Variants in SMG7 observed in about 807,000 individuals in gnomAD.
The protein encoded by SMG7 is nonsense-mediated mRNA decay factor SMG7.
A neutral mutation model predicts 148.2 loss-of-function variants in SMG7; 34 were observed. The ratio of observed to expected loss-of-function variants is 0.23; its 90% CI spans 0.17 to 0.31. The LOEUF (loss-of-function observed/expected upper bound fraction) is 0.31, where lower values mean the gene tolerates loss of function less well. SMG7 is among the 10% of genes least tolerant of loss of function. The pLI is 1.00. For missense variants in SMG7, 1,114 were observed against 1,408.4 expected, an observed-to-expected ratio of 0.79 and a Z score of 3.35; for synonymous variants, 492 against 515.1, an observed-to-expected ratio of 0.96 and a Z score of 0.61.
At chr1:183,490,428 C>T (rs1231511457) in intron 1 of SMG7, among the ~76,000 whole-genome samples, 1 of 152,036 alleles carries the variant, frequency 6.6e-6, no homozygotes, top group East Asian at 1.9e-4. Context: ...TGGACATTTT[C>T]TATGCAGAAA....
At chr1:183,491,606 G>T (rs576402179) in intron 1 of SMG7, among the ~76,000 whole-genome samples, 60 of 152,134 alleles carry the variant, frequency 3.9e-4, no homozygotes, top group African/African-American at 1.2e-3. Context: ...GGTTTTTAAT[G>T]TATCTTTTGA....
In SMG7 at chr1:183,552,988, T is replaced by C. The variant is rs759706992; in HGVS notation, c.*1057T>C. On this transcript the variant is annotated 3_prime_UTR_variant, in exon 23 of 23. Coordinates refer to ENST00000688051, the MANE Select transcript of SMG7 (RefSeq NM_001375584.1). ...CACATCTCCCCAAGAAGCAACAGCA[T>C]GGGGTCCAGCAGTTGGGGCCCAAAA... 2.3e-5 allele frequency: 36 copies of C among 1,536,204 alleles called. No individual in the cohort carries two copies. Among genetic ancestry groups the C allele is most frequent in the Non-Finnish European group, 3.1e-5 (36 of 1,146,928 alleles).
chr1:183,537,077 C>A, intron 10 of SMG7, 68 bp from the exon 11 acceptor site: 1 of 1,100,396 alleles, frequency 9.1e-7, no homozygotes, highest in South Asian at 1.3e-5. Flanking sequence ...ATACCATTTT[C>A]ATGGCTTATT....
chr1:183,481,866 GC>G (rs1235662660), intron 1 of SMG7, among the ~76,000 whole-genome samples: 1 of 150,706 alleles, frequency 6.6e-6, no homozygotes, highest in East Asian at 1.9e-4. Context: ...TCGCTCTGTT[GC>G]CCAGGCTGGT....
rs115698375 is a variant in SMG7 at position 183,550,495 on chromosome 1, G to T, written c.3134-256G>T. ...ATCTGAAATAGCCGTGTGAGAATAG[G>T]GCATTCATTCAGTTGACAAAAATTG... On this transcript the variant is annotated intron_variant, in intron 20 of 22. Transcript: ENST00000688051. Among the ~76,000 whole-genome samples the T allele has an allele frequency of 7.0e-4, 106 of 152,210 alleles. 1 individual carries two copies. The highest frequency in any genetic ancestry group is 1.2e-3 in the Non-Finnish European group (83 of 68,000).
chr1:183,533,998 G>A (rs1012652503), intron 10 of SMG7, among the ~76,000 whole-genome samples, 166 bp downstream of exon 10: 1 of 152,102 alleles, frequency 6.6e-6, no homozygotes, highest in Non-Finnish European at 1.5e-5. Flanking sequence ...CTTTTCATTT[G>A]TTTATTTGAA....
chr1:183,550,723 T>G, intron 20 of SMG7, 28 bp from the exon 21 acceptor site: 1 of 1,608,968 alleles, frequency 6.2e-7, no homozygotes, highest in Non-Finnish European at 8.5e-7. Flanking sequence ...AATGATTTAC[T>G]ATATCCTGTG....
At chr1:183,519,667 C>G (rs1408487032) in intron 4 of SMG7, among the ~76,000 whole-genome samples, 1 of 151,968 alleles carries the variant, frequency 6.6e-6, no homozygotes, top group African/African-American at 2.4e-5. Flanking sequence ...ATTAATCCTC[C>G]CATTCTGGAT....
chr1:183,529,279 G>GA (rs1471501604), intron 7 of SMG7, 119 bp from the exon 8 acceptor site: 1 of 1,202,924 alleles, frequency 8.3e-7, no homozygotes, highest in Non-Finnish European at 1.2e-6. Context: ...TGTTGCAGTT[G>GA]AAAAATCAGT....
Position 183,553,127 on chromosome 1 carries a change from C to T in SMG7, c.*1196C>T, listed in dbSNP as rs765169448. ...TTTCAGAGTGAAATTCAAGGCAGCA[C>T]GGACATGTGCCCATCAGGCACAGAA... On this transcript the variant is annotated 3_prime_UTR_variant, in exon 23 of 23. Transcript: ENST00000688051. The T allele has an allele frequency of 7.2e-6, 11 of 1,536,204 alleles. No homozygotes were observed. Among genetic ancestry groups the T allele is most frequent in the Middle Eastern group, 1.7e-4 (1 of 6,012 alleles).
At chr1:183,492,501 T>C (rs1033772799) in intron 1 of SMG7, among the ~76,000 whole-genome samples, 1 of 152,202 alleles carries the variant, frequency 6.6e-6, no homozygotes, top group Non-Finnish European at 1.5e-5. Flanking sequence ...AAGTTCTCTA[T>C]TTTTTGGGAA....
rs896168824 is a variant in SMG7 at position 183,515,781 on chromosome 1, G to A, written c.62-93G>A. 4.6e-6 allele frequency: 3 copies of A among 656,220 alleles called. No individual in the cohort carries two copies. The African/African-American group carries it at 5.4e-5, about 12-fold the overall frequency. The allele number at this position is 656,220 out of a possible 1,614,324, so 40.6% of individuals were successfully genotyped here. ...ATATTTAGAGCAGGTTTTGCCTTGGGGATAGAGCAGGAAGGAGTCACTGGT... is the reference window on the plus strand; with the variant it reads ...ATATTTAGAGCAGGTTTTGCCTTGGAGATAGAGCAGGAAGGAGTCACTGGT... On this transcript the variant is annotated intron_variant, in intron 2 of 22. Coordinates refer to ENST00000688051, the MANE Select transcript of SMG7 (RefSeq NM_001375584.1).
intron 1 of SMG7, among the ~76,000 whole-genome samples, chr1:183,476,771 TATG>T (rs1652293555): frequency 1.3e-5 from 2 of 152,270 alleles, no homozygotes; most frequent in Admixed American, 6.5e-5. Context: ...AAAATAAAAA[TATG>T]ATCTTAAATA....
At chr1:183,514,018 A>G (rs1662858452) in intron 2 of SMG7, among the ~76,000 whole-genome samples, 1 of 148,518 alleles carries the variant, frequency 6.7e-6, no homozygotes. Flanking sequence ...CGACAGAAAA[A>G]GACTCCGTCT....
Position 183,527,235 on chromosome 1 carries a change from G to A in SMG7, c.484+468G>A, listed in dbSNP as rs552043379. ...TTTCTATTATTTGCATTTTATCTGG[G>A]AATATTATATAACTTATTTATTCTT... is the stretch of plus-strand genomic sequence containing the variant. On this transcript the variant is annotated intron_variant, in intron 5 of 22. Coordinates refer to ENST00000688051, the MANE Select transcript of SMG7 (RefSeq NM_001375584.1). This position sits in a 1 kb window ranked among gnomAD's most constrained non-coding sequence, Gnocchi z 4.0. Among the ~76,000 whole-genome samples the A allele has an allele frequency of 6.6e-6, 1 of 152,136 alleles. No homozygotes were observed. The highest frequency in any genetic ancestry group is 6.5e-5 in the Admixed American group (1 of 15,274).
At position 183,552,960 on chromosome 1, in the gene SMG7, C is replaced by T. The variant is rs1189170201; in HGVS notation, c.*1029C>T. ...TTGTTTTTATTCCTAATGTGTGCAA[C>T]ATCACATCTCCCCAAGAAGCAACAG... On this transcript the variant is annotated 3_prime_UTR_variant, in exon 23 of 23. Transcript: ENST00000688051. 2 of 1,535,530 alleles carry T rather than the reference C, an allele frequency of 1.3e-6. No individual in the cohort carries two copies. Among genetic ancestry groups the T allele is most frequent in the South Asian group, 1.2e-5 (1 of 84,032 alleles).
rs55662555 is a variant in SMG7, at chr1:183,488,682, C to CTTT, written c.29+16054_29+16056dup. Among the ~76,000 whole-genome samples, 428 of 75,090 alleles carry CTTT rather than the reference C, an allele frequency of 5.7e-3. 5 individuals are homozygous for CTTT. Among genetic ancestry groups the CTTT allele is most frequent in the Non-Finnish European group, 7.8e-3 (321 of 41,412 alleles). The allele number at this position is 75,090 out of a possible 152,430, so 49.3% of individuals were successfully genotyped here. ...CAGGAAAAGTAAAATGTTTATAAGG[C>CTTT]TTTTTTTTTTTTTTTTTTTTTTTGA... is the stretch of plus-strand genomic sequence containing the variant. On this transcript the variant is annotated intron_variant, in intron 1 of 22. Coordinates refer to ENST00000688051, the MANE Select transcript of SMG7 (RefSeq NM_001375584.1).
chr1:183,549,061 A>G, intron 18 of SMG7, 147 bp from the exon 19 acceptor site: 1 of 626,990 alleles, frequency 1.6e-6, no homozygotes, highest in Non-Finnish European at 2.8e-6. Context: ...TGGTGTTAAC[A>G]GATTTGAATT....
chr1:183,494,242 G>C (rs1029771411), intron 1 of SMG7, among the ~76,000 whole-genome samples: 3 of 151,724 alleles, frequency 2.0e-5, no homozygotes, highest in African/African-American at 7.2e-5. Context: ...ATAATTTTAT[G>C]TATAATATAA....
Sources: gnomAD v4.1 joint callset for allele counts (sites outside exome capture counted in the v4.1 genomes callset) on GRCh38, gnomAD v4.1.1 for gene constraint, Gnocchi (gnomAD v3.1) non-coding constraint, MANE v1.5 for transcripts, NCBI Gene and HGNC (gene_info 2026-07-23, HGNC 2026-07-21) for gene names.